Variants in NR2F1 observed in about 807,000 individuals in gnomAD.
NR2F1 encodes the protein COUP transcription factor 1.
A neutral mutation model predicts 37.7 loss-of-function variants in NR2F1; 1 was observed. The observed-to-expected ratio is 0.03, with a 90% CI of 0.01 to 0.13. The LOEUF (loss-of-function observed/expected upper bound fraction) is 0.13, where lower values mean the gene tolerates loss of function less well. Among genes scored for constraint, NR2F1 ranks in the 10% least tolerant of loss-of-function variants. The pLI is 1.00. For synonymous variants in NR2F1, 275 were observed against 259.6 expected, an observed-to-expected ratio of 1.06 and a Z score of -0.57; for missense variants, 268 against 578.4, an observed-to-expected ratio of 0.46 and a Z score of 5.50.
rs1281229857 is a variant in NR2F1 at position 93,588,339 on chromosome 5, A to C, written c.886A>C (p.Met296Leu). The C allele has an allele frequency of 6.2e-7, 1 of 1,613,172 alleles. No homozygotes were observed. The highest frequency in any genetic ancestry group is 8.5e-7 in the Non-Finnish European group (1 of 1,179,848). Residue 296 changes from methionine to leucine, a missense_variant, in exon 2 of 3, where the codon ATG becomes CTG. By Grantham distance (15) the Met-to-Leu change is conservative. Around this residue, in one of 5 missense-constraint regions of NR2F1, gnomAD observed 99 missense variants for 191.9 expected, o/e 0.52. Transcript: ENST00000327111. ...PMSADRVVAF[M>L]DHIRIFQEQV... ...GTCTGCCGACCGCGTCGTGGCCTTCATGGACCACATCCGCATCTTCCAGGA... is the reference window on the plus strand; with the variant it reads ...GTCTGCCGACCGCGTCGTGGCCTTCCTGGACCACATCCGCATCTTCCAGGA...
At chr5:93,591,013 G>C (rs1288837617) in intron 2 of NR2F1, among the ~76,000 whole-genome samples, 1 of 152,176 alleles carries the variant, frequency 6.6e-6, no homozygotes, top group Non-Finnish European at 1.5e-5. Context: ...TAATAACTTT[G>C]ATTTCTAGTT....
In NR2F1 at chr5:93,585,220, C is replaced by G; in HGVS notation, c.197C>G (p.Thr66Arg). The G allele has an allele frequency of 1.3e-6, 2 of 1,546,382 alleles. No individual in the cohort carries two copies. Among genetic ancestry groups the G allele is most frequent in the African/African-American group, 1.4e-5 (1 of 72,886 alleles). Residue 66 changes from threonine (T) to arginine (R), a missense_variant, in exon 1 of 3, where the codon ACG (threonine) becomes AGG (arginine). Coordinates refer to ENST00000327111, the MANE Select transcript of NR2F1 (RefSeq NM_005654.6). ...GQPGAPATPG[T>R]AGDKGQGPPG... ...CCCGGAGCGCCCGCCACCCCCGGCA[C>G]GGCGGGGGACAAGGGCCAGGGCCCG... is the stretch of plus-strand genomic sequence containing the variant.
intron 1 of NR2F1, among the ~76,000 whole-genome samples, chr5:93,586,216 TTG>T (rs1753230987): frequency 2.0e-5 from 3 of 152,142 alleles, no homozygotes; most frequent in Admixed American, 2.0e-4. Flanking sequence ...GCTTTCATAG[TTG>T]TGTCATTTTT....
Position 93,588,539 on chromosome 5 carries a change from G to A in NR2F1, c.991+95G>A, listed in dbSNP as rs1278870164. On this transcript the variant is annotated intron_variant, in intron 2 of 2. Coordinates refer to ENST00000327111, the MANE Select transcript of NR2F1 (RefSeq NM_005654.6). ...GGCCTTCGGAGCCTCCCGCGCGGCCGGTGCGGGGCGGGCCGGGCCCTCGCT... is the reference window on the plus strand; with the variant it reads ...GGCCTTCGGAGCCTCCCGCGCGGCCAGTGCGGGGCGGGCCGGGCCCTCGCT... The A allele has an allele frequency of 7.0e-6, 6 of 851,934 alleles. No individual in the cohort carries two copies. In the African/African-American group the frequency reaches 7.3e-5, roughly 10 times the overall value. 52.8% of individuals were successfully genotyped at this position (851,934 alleles called of 1,614,324 possible). A position where few individuals can be genotyped will look rare whatever the true frequency, so the allele number is the denominator to read the frequency against.
intron 2 of NR2F1, among the ~76,000 whole-genome samples, chr5:93,591,254 T>C (rs1311858100): frequency 6.6e-6 from 1 of 152,232 alleles, no homozygotes; most frequent in Admixed American, 6.5e-5. Context: ...CTCATTTTCT[T>C]ATCTGGGGTA....
intron 1 of NR2F1, chr5:93,587,189 G>A (rs1002244819): frequency 6.6e-6 from 1 of 152,188 alleles, no homozygotes; most frequent in Non-Finnish European, 1.5e-5. Context: ...CAGTGGCACC[G>A]CGCAGGACAG....
rs776732958 is a variant in NR2F1 at position 93,593,593 on chromosome 5, C to A, written c.1023C>A (p.Ile341=). 1 of 1,613,848 alleles carries A rather than the reference C, an allele frequency of 6.2e-7. No individual in the cohort carries two copies. Residue 341 remains isoleucine (I), a synonymous_variant, in exon 3 of 3, where the codon ATC becomes ATA. Coordinates refer to ENST00000327111, the MANE Select transcript of NR2F1 (RefSeq NM_005654.6). This position sits in a 1 kb window ranked among gnomAD's most constrained non-coding sequence, Gnocchi z 5.6. ...GTGGCCTGTCGGATGCGGCCCACAT[C>A]GAGAGCCTGCAGGAGAAGTCGCAGT... is the stretch of plus-strand genomic sequence containing the variant. The part of the protein sequence containing the change: ...DACGLSDAAH[I]ESLQEKSQCA...
In NR2F1 at chr5:93,593,737, C is replaced by T; in HGVS notation, c.1167C>T (p.Phe389=). 1 of 1,614,262 alleles carries T rather than the reference C, an allele frequency of 6.2e-7. No individual in the cohort carries two copies. Among genetic ancestry groups the T allele is most frequent in the Non-Finnish European group, 8.5e-7 (1 of 1,180,052 alleles). The change falls in exon 3 of 3, where the codon TTC becomes TTT. Residue 389 remains phenylalanine (F), a synonymous_variant. Coordinates refer to ENST00000327111, the MANE Select transcript of NR2F1 (RefSeq NM_005654.6). The surrounding 1 kb of genome is among the most constrained non-coding windows in gnomAD (Gnocchi z 5.6). ...CCTCCTCCGTCATCGAGCAGCTCTT[C>T]TTCGTCCGTTTGGTAGGTAAAACCC... ...TVSSSVIEQL[F]FVRLVGKTPI...
At position 93,585,124 on chromosome 5, in the gene NR2F1, G is replaced by GCGGCGGCGC. The variant is rs1414612574; in HGVS notation, c.107_115dup (p.Gly36_Gly38dup). ...GCAGCGCAGGCGGCCCGCGGCGGCGGCGGCGGCGCCGGCGAGCAGCAGCAG... is the reference window on the plus strand; with the variant it reads ...GCAGCGCAGGCGGCCCGCGGCGGCGGCGGCGGCGCCGGCGGCGCCGGCGAGCAGCAGCAG... On this transcript the variant is annotated inframe_insertion, in exon 1 of 3. Coordinates refer to ENST00000327111, the MANE Select transcript of NR2F1 (RefSeq NM_005654.6). 3 of 1,007,558 alleles carry GCGGCGGCGC rather than the reference G, an allele frequency of 3.0e-6. No individual in the cohort carries two copies. Among genetic ancestry groups the GCGGCGGCGC allele is most frequent in the Non-Finnish European group, 3.5e-6 (3 of 845,956 alleles). 62.4% of individuals were successfully genotyped at this position (1,007,558 alleles called of 1,614,324 possible).
Position 93,587,992 on chromosome 5 carries a change from A to G in NR2F1, c.539A>G (p.Asn180Ser). 6.2e-7 allele frequency: 1 copy of G among 1,613,620 alleles called. No homozygotes were observed. Among genetic ancestry groups the G allele is most frequent in the Non-Finnish European group, 8.5e-7 (1 of 1,179,782 alleles). ...QYALTNGDPLNGHCYLSGYIS... is the reference protein window; with the variant it reads ...QYALTNGDPLSGHCYLSGYIS... ...GCACTCACCAACGGGGACCCCCTCA[A>G]CGGCCACTGCTACCTGTCCGGCTAC... The change falls in exon 2 of 3, where the codon AAC (asparagine) becomes AGC (serine). Residue 180 changes from asparagine (N) to serine (S), a missense_variant. Asn to Ser is a conservative substitution (Grantham distance 46). This residue lies in a region of NR2F1 where 42 missense variants were observed against 72.5 expected (regional missense o/e 0.58). Coordinates refer to ENST00000327111, the MANE Select transcript of NR2F1 (RefSeq NM_005654.6).
intron 2 of NR2F1, among the ~76,000 whole-genome samples, chr5:93,588,715 G>C (rs1350189986): frequency 6.6e-6 from 1 of 151,488 alleles, no homozygotes; most frequent in Non-Finnish European, 1.5e-5. Context: ...CCCTACGTGG[G>C]GCCGCGGCTG....
Position 93,587,949 on chromosome 5 carries a change from C to A in NR2F1, c.496C>A (p.Pro166Thr). 1 of 1,595,546 alleles carries A rather than the reference C, an allele frequency of 6.3e-7. No homozygotes were observed. The highest frequency in any genetic ancestry group is 8.6e-7 in the Non-Finnish European group (1 of 1,167,600). ...VQRGRMPPTQ[P>T]NPGQYALTNG... is the part of the protein sequence containing the mutation. ...GCGAGGAAGAATGCCTCCAACCCAG[C>A]CCAATCCAGGCCAGTACGCACTCAC... The change falls in exon 2 of 3, where the codon CCC (proline) becomes ACC (threonine). Residue 166 changes from proline (P) to threonine (T), a missense_variant. Pro to Thr is a conservative substitution (Grantham distance 38). Around this residue, in one of 5 missense-constraint regions of NR2F1, gnomAD observed 42 missense variants for 72.5 expected, o/e 0.58. Coordinates refer to ENST00000327111, the MANE Select transcript of NR2F1 (RefSeq NM_005654.6).
At chr5:93,588,585 G>A (rs1753273403) in intron 2 of NR2F1, 141 bp downstream of exon 2, 7 of 430,876 alleles carry the variant, frequency 1.6e-5, no homozygotes, top group Non-Finnish European at 2.2e-5. Context: ...CCTGGCCCGG[G>A]TCTGTGACCC....
chr5:93,589,016 C>T (rs1281525115), intron 2 of NR2F1, among the ~76,000 whole-genome samples: 1 of 152,106 alleles, frequency 6.6e-6, no homozygotes, highest in South Asian at 2.1e-4. Context: ...AATAATCCCG[C>T]TTTATCGCTG....
At position 93,594,399 on chromosome 5, in the gene NR2F1, A is replaced by G. The variant is rs975084605; in HGVS notation, c.*557A>G. On this transcript the variant is annotated 3_prime_UTR_variant, in exon 3 of 3. Coordinates refer to ENST00000327111, the MANE Select transcript of NR2F1 (RefSeq NM_005654.6). ...GAATTAGGGGAAAATAACATTTTCCAAATAATTATAAAAAATTGTCCTGTG... is the reference window on the plus strand; with the variant it reads ...GAATTAGGGGAAAATAACATTTTCCGAATAATTATAAAAAATTGTCCTGTG... The G allele has an allele frequency of 2.0e-5, 3 of 152,384 alleles. No homozygotes were observed. Among genetic ancestry groups the G allele is most frequent in the Non-Finnish European group, 4.4e-5 (3 of 68,172 alleles). 9.4% of individuals were successfully genotyped at this position (152,384 alleles called of 1,614,324 possible). A position where few individuals can be genotyped will look rare whatever the true frequency, so the allele number is the denominator to read the frequency against.
At chr5:93,587,683 G>C (rs1007934520) in intron 1 of NR2F1, 2 of 534,392 alleles carry the variant, frequency 3.7e-6, no homozygotes, top group East Asian at 6.1e-5. Flanking sequence ...AGCTCCGGCG[G>C]GGCTGACGTG....
At chr5:93,588,516 C>A (rs1753271600) in intron 2 of NR2F1, 72 bp downstream of exon 2, 10 of 1,124,292 alleles carry the variant, frequency 8.9e-6, no homozygotes, top group Non-Finnish European at 1.0e-5. Context: ...CCGGGCCTGG[C>A]CTTCGGAGCC....
At chr5:93,585,918 T>C (rs897710709) in intron 1 of NR2F1, among the ~76,000 whole-genome samples, 3 of 151,912 alleles carry the variant, frequency 2.0e-5, no homozygotes, top group Non-Finnish European at 4.4e-5. Context: ...TTTTTTTCAT[T>C]CCACTTTTCC....
In NR2F1 at chr5:93,593,545, T is replaced by C; in HGVS notation, c.992-17T>C. On this transcript the variant is annotated splice_polypyrimidine_tract_variant and intron_variant, in intron 2 of 2. Coordinates refer to ENST00000327111, the MANE Select transcript of NR2F1 (RefSeq NM_005654.6). This position sits in a 1 kb window ranked among gnomAD's most constrained non-coding sequence, Gnocchi z 5.6. ...GCTCCCTTTCCCTGTCTCTCCCTCC[T>C]GTGGCTGCTTGGGCAGACGCCTGTG... 1 of 1,607,260 alleles carries C rather than the reference T, an allele frequency of 6.2e-7. No homozygotes were observed. The highest frequency in any genetic ancestry group is 2.2e-5 in the East Asian group (1 of 44,698).
Sources: allele counts gnomAD v4.1 joint callset (sites outside exome capture counted in the v4.1 genomes callset), GRCh38; gene constraint gnomAD v4.1.1; regional missense constraint gnomAD v4.1.1; non-coding constraint Gnocchi (gnomAD v3.1); transcripts MANE v1.5; gene names NCBI Gene and HGNC (gene_info 2026-07-23, HGNC 2026-07-21).